The following TTC13 variants were observed in gnomAD, a reference collection of about 807,000 sequenced individuals.
The protein encoded by TTC13 is tetratricopeptide repeat domain 13.
A neutral mutation model predicts 120.0 loss-of-function variants in TTC13; 62 were observed. The ratio of observed to expected loss-of-function variants is 0.52; its 90% CI spans 0.42 to 0.64. TTC13 has a LOEUF of 0.64. TTC13 is among the 30% of genes least tolerant of loss of function. TTC13 has a pLI of 0.00. For missense variants in TTC13, 824 were observed against 1,050.2 expected, an observed-to-expected ratio of 0.78 and a Z score of 2.98; for synonymous variants, 384 against 393.5, an observed-to-expected ratio of 0.98 and a Z score of 0.28.
intron 6 of TTC13, among the ~76,000 whole-genome samples, chr1:230,941,878 T>C (rs1674561979): frequency 2.0e-5 from 3 of 152,134 alleles, no homozygotes; most frequent in African/African-American, 7.2e-5. Flanking sequence ...ATCAATATGA[T>C]AATAATGAGT....
intron 4 of TTC13, among the ~76,000 whole-genome samples, chr1:230,946,425 G>GA (rs924936752): frequency 6.6e-6 from 1 of 151,992 alleles, no homozygotes; most frequent in Non-Finnish European, 1.5e-5. Flanking sequence ...GAGTAAATGG[G>GA]AAAAAATAAA....
intron 8 of TTC13, among the ~76,000 whole-genome samples, chr1:230,936,986 TATAAAAA>T: frequency 6.6e-6 from 1 of 152,222 alleles, no homozygotes; most frequent in Non-Finnish European, 1.5e-5. Flanking sequence ...ACAGTGGATC[TATAAAAA>T]TGCAAAGCAA....
intron 1 of TTC13, among the ~76,000 whole-genome samples, chr1:230,968,543 G>A (rs1677393669): frequency 6.6e-6 from 1 of 152,132 alleles, no homozygotes; most frequent in South Asian, 2.1e-4. Flanking sequence ...ACTAACAGGT[G>A]TCTAAGGAGA....
At chr1:230,941,885 G>T (rs1435417230) in intron 6 of TTC13, among the ~76,000 whole-genome samples, 2 of 152,022 alleles carry the variant, frequency 1.3e-5, no homozygotes, top group African/African-American at 4.8e-5. Context: ...TGATAATAAT[G>T]AGTAACTTTA....
chr1:230,967,446 A>G (rs1356153187), intron 1 of TTC13, among the ~76,000 whole-genome samples: 1 of 152,014 alleles, frequency 6.6e-6, no homozygotes, highest in Non-Finnish European at 1.5e-5. Context: ...GAGCTTGCTG[A>G]CCTTTATCAA....
At chr1:230,964,485 G>A (rs1676943068) in intron 1 of TTC13, among the ~76,000 whole-genome samples, 1 of 151,814 alleles carries the variant, frequency 6.6e-6, no homozygotes, top group Non-Finnish European at 1.5e-5. Context: ...TAAACTTTTG[G>A]TTTATTGGCC....
chr1:230,958,407 T>A, intron 2 of TTC13, 108 bp from the exon 3 acceptor site: 1 of 1,286,742 alleles, frequency 7.8e-7, no homozygotes, highest in African/African-American at 1.5e-5. Flanking sequence ...ACATTTGATT[T>A]AAGTGGAAGC....
rs1239802431 is a variant in TTC13, at chr1:230,920,581, T to C, written c.1912A>G (p.Lys638Glu). Reference sequence around the variant, plus strand: ...GCTTCCCGAACTTCCAGCAATCCTTTAGGATTATTAGCTCTTAAAGAGAGA... The same window carrying C: ...GCTTCCCGAACTTCCAGCAATCCTTCAGGATTATTAGCTCTTAAAGAGAGA... Reference protein sequence around the residue: ...ILVYHGANNPKGLLEVREALE... With the variant: ...ILVYHGANNPEGLLEVREALE... The change falls in exon 17 of 23, where the codon AAA becomes GAA. Residue 638 changes from lysine (K) to glutamate (E), a missense_variant. By Grantham distance (56) the Lys-to-Glu change is moderately conservative (BLOSUM62 1). This residue lies in a region of TTC13 where 430 missense variants were observed against 626.8 expected (regional missense o/e 0.69). Coordinates refer to ENST00000366661, the MANE Select transcript of TTC13 (RefSeq NM_024525.5). 6 of 1,583,878 alleles carry C rather than the reference T, an allele frequency of 3.8e-6. No homozygotes were observed. In the South Asian group the frequency reaches 5.9e-5, roughly 15 times the overall value.
At chr1:230,975,712 G>C (rs1000824919) in intron 1 of TTC13, among the ~76,000 whole-genome samples, 1 of 152,106 alleles carries the variant, frequency 6.6e-6, no homozygotes, top group African/African-American at 2.4e-5. Context: ...TAAAAATGTG[G>C]AGTAGAAAAT....
At chr1:230,908,618 C>G (rs1671173495) in intron 22 of TTC13, 94 bp downstream of exon 22, 5 of 896,280 alleles carry the variant, frequency 5.6e-6, no homozygotes, top group Non-Finnish European at 8.8e-6. Context: ...ATGAGTATAA[C>G]AGTTCCAGTT....
At chr1:230,927,709 A>G (rs1360366452) in intron 12 of TTC13, among the ~76,000 whole-genome samples, 1 of 152,180 alleles carries the variant, frequency 6.6e-6, no homozygotes, top group African/African-American at 2.4e-5. Context: ...AGTCCAATTT[A>G]TCAACCTTTT....
At chr1:230,962,685 T>C (rs1355531535) in intron 1 of TTC13, among the ~76,000 whole-genome samples, 4 of 152,168 alleles carry the variant, frequency 2.6e-5, no homozygotes, top group African/African-American at 9.7e-5. Context: ...GGAGAAATGG[T>C]CCAAGTGTCC....
In TTC13 at chr1:230,924,934, T is replaced by A; in HGVS notation, c.1628A>T (p.Gln543Leu). The A allele has an allele frequency of 4.3e-6, 7 of 1,614,230 alleles. No individual in the cohort carries two copies. The highest frequency in any genetic ancestry group is 5.1e-6 in the Non-Finnish European group (6 of 1,180,044). The change falls in exon 14 of 23, where the codon CAG becomes CTG. Residue 543 changes from glutamine (Q) to leucine (L), a missense_variant. Gln to Leu is a moderately radical substitution (Grantham distance 113). This residue lies in a region of TTC13 where 430 missense variants were observed against 626.8 expected (regional missense o/e 0.69). Transcript: ENST00000366661. ...LAALEVMQAVQRTWTNSKVRM... is the reference protein window; with the variant it reads ...LAALEVMQAVLRTWTNSKVRM... Reference sequence around the variant, plus strand: ...AACTTTCGAGTTGGTCCATGTACGCTGCACGGCTTGCATGACCTCCAATGC... The same window carrying A: ...AACTTTCGAGTTGGTCCATGTACGCAGCACGGCTTGCATGACCTCCAATGC...
intron 4 of TTC13, among the ~76,000 whole-genome samples, chr1:230,951,290 C>G (rs1341046495): frequency 2.6e-5 from 4 of 151,934 alleles, no homozygotes; most frequent in Admixed American, 1.3e-4. Context: ...AATCCAAGCC[C>G]CTGAGTCCCC....
intron 4 of TTC13, among the ~76,000 whole-genome samples, chr1:230,951,633 G>C (rs1014327288): frequency 6.6e-5 from 10 of 152,148 alleles, no homozygotes; most frequent in Non-Finnish European, 1.0e-4. Flanking sequence ...GTGTAGGCTT[G>C]AAGAAAAGCT....
intron 1 of TTC13, among the ~76,000 whole-genome samples, chr1:230,977,430 CG>C (rs1278794016): frequency 6.6e-6 from 1 of 152,122 alleles, no homozygotes; most frequent in Non-Finnish European, 1.5e-5. Flanking sequence ...CTTTCTCCAC[CG>C]TGCAAGGCTG....
At chr1:230,938,282 G>A (rs1019973539) in intron 8 of TTC13, among the ~76,000 whole-genome samples, 1 of 152,272 alleles carries the variant, frequency 6.6e-6, no homozygotes, top group South Asian at 2.1e-4. Flanking sequence ...CTTCCATCAG[G>A]TAGCTTGGAT....
chr1:230,974,498 T>C (rs1398582038), intron 1 of TTC13, among the ~76,000 whole-genome samples: 1 of 152,196 alleles, frequency 6.6e-6, no homozygotes, highest in Non-Finnish European at 1.5e-5. Context: ...GCCTACAGTA[T>C]TGAGTACAGT....
chr1:230,935,373 T>A (rs1160645333), intron 8 of TTC13, among the ~76,000 whole-genome samples: 1 of 152,080 alleles, frequency 6.6e-6, no homozygotes, highest in Non-Finnish European at 1.5e-5. Context: ...AATAGAGATA[T>A]AAGTAAGTCT....
Sources: gnomAD v4.1 joint callset for allele counts (sites outside exome capture counted in the v4.1 genomes callset) on GRCh38, gnomAD v4.1.1 for gene constraint, gnomAD v4.1.1 regional missense constraint, MANE v1.5 for transcripts, NCBI Gene and HGNC (gene_info 2026-07-23, HGNC 2026-07-21) for gene names.